The following CTNNA2 variants were observed in gnomAD, a reference collection of about 807,000 sequenced individuals.
The protein encoded by CTNNA2 is catenin alpha 2.
Under a neutral mutation model 101.0 loss-of-function variants are expected in CTNNA2, and 42 were observed. The observed-to-expected ratio is 0.42, with a 90% CI of 0.32 to 0.54. The LOEUF is 0.54. Among genes scored for constraint, CTNNA2 ranks in the 20% least tolerant of loss-of-function variants. The probability of loss-of-function intolerance (pLI) is 0.14; values close to 1 mark genes in which losing one functional copy is unlikely to be tolerated. For missense variants in CTNNA2, 871 were observed against 1,223.1 expected, an observed-to-expected ratio of 0.71 and a Z score of 4.29; for synonymous variants, 450 against 456.4, an observed-to-expected ratio of 0.99 and a Z score of 0.18.
chr2:80,555,751 G>A lies in CTNNA2; in HGVS notation c.1599G>A (p.Val533=), dbSNP rs34741453. Reference sequence around the variant, plus strand: ...TGATAGCCCTCCAAGAGGGCGATGTGGACACTCTGGACCGGACTGCAGGGG... The same window carrying A: ...TGATAGCCCTCCAAGAGGGCGATGTAGACACTCTGGACCGGACTGCAGGGG... ...KCVIALQEGD[V]DTLDRTAGAI... Residue 533 remains valine, a synonymous_variant, in exon 12 of 19, where the codon GTG becomes GTA. Coordinates refer to ENST00000402739, the MANE Select transcript of CTNNA2 (RefSeq NM_001282597.3). The A allele has an allele frequency of 4.4e-4, 696 of 1,585,690 alleles. 4 individuals are homozygous for A. In the African/African-American group the frequency reaches 5.3e-3, roughly 12 times the overall value.
chr2:80,491,328 C>A (rs1391739068), intron 9 of CTNNA2, among the ~76,000 whole-genome samples: 1 of 152,188 alleles, frequency 6.6e-6, no homozygotes, highest in African/African-American at 2.4e-5. Context: ...CTGCTACTTG[C>A]AGACCTAACT....
At chr2:80,459,184 A>T (rs1300878416) in intron 9 of CTNNA2, among the ~76,000 whole-genome samples, 1 of 152,154 alleles carries the variant, frequency 6.6e-6, no homozygotes, top group Non-Finnish European at 1.5e-5. Flanking sequence ...TTACACAATG[A>T]TGAAACCACC....
chr2:79,706,290 G>C (rs559551408), intron 2 of CTNNA2, among the ~76,000 whole-genome samples: 202 of 149,526 alleles, frequency 1.4e-3, no homozygotes, highest in African/African-American at 4.8e-3. Context: ...GTGAACCCGG[G>C]AGGCGGAGCT....
chr2:79,482,097 G>T (rs1436432378), intron 4 of CTNNA2, among the ~76,000 whole-genome samples: 2 of 152,156 alleles, frequency 1.3e-5, no homozygotes, highest in Non-Finnish European at 2.9e-5. Context: ...AATTAATTCA[G>T]AAAATACAAT....
intron 15 of CTNNA2, among the ~76,000 whole-genome samples, chr2:80,594,645 T>A (rs969743980): frequency 6.6e-6 from 1 of 152,060 alleles, no homozygotes; most frequent in Non-Finnish European, 1.5e-5. Flanking sequence ...GTTCTTATGG[T>A]TAGGTCTTTC....
At chr2:79,637,876 A>T (rs1172561981) in intron 1 of CTNNA2, among the ~76,000 whole-genome samples, 3 of 152,202 alleles carry the variant, frequency 2.0e-5, no homozygotes, top group Non-Finnish European at 4.4e-5. Flanking sequence ...TAGTTCTCTT[A>T]TGGGTAAAAT....
intron 2 of CTNNA2, among the ~76,000 whole-genome samples, chr2:79,228,281 G>C (rs1674446981): frequency 6.6e-6 from 1 of 152,204 alleles, no homozygotes; most frequent in Non-Finnish European, 1.5e-5. Flanking sequence ...TAGTGGAATT[G>C]CTGGGTGGAA....
intron 4 of CTNNA2, among the ~76,000 whole-genome samples, chr2:79,442,566 C>T (rs371737932): frequency 3.9e-5 from 6 of 152,172 alleles, no homozygotes; most frequent in South Asian, 2.1e-4. Context: ...TCTGTCCTTG[C>T]GGTTAAACTG....
chr2:80,070,678 C>T (rs1698273462), intron 7 of CTNNA2, among the ~76,000 whole-genome samples: 1 of 150,786 alleles, frequency 6.6e-6, no homozygotes, highest in Non-Finnish European at 1.5e-5. Context: ...GATCACACCA[C>T]TGCACTGCAG....
At chr2:79,464,539 G>C (rs1670913574) in intron 4 of CTNNA2, among the ~76,000 whole-genome samples, 1 of 152,092 alleles carries the variant, frequency 6.6e-6, no homozygotes, top group Non-Finnish European at 1.5e-5. Flanking sequence ...TCTAGTTCTA[G>C]ATCCCTGAGG....
At chr2:79,298,958 C>T (rs1255170990) in intron 2 of CTNNA2, among the ~76,000 whole-genome samples, 3 of 152,204 alleles carry the variant, frequency 2.0e-5, no homozygotes, top group African/African-American at 7.2e-5. Context: ...ATCCAAACAG[C>T]TCCTAATTCC....
At chr2:79,559,114 T>G (rs1168800693) in intron 1 of CTNNA2, among the ~76,000 whole-genome samples, 4 of 151,910 alleles carry the variant, frequency 2.6e-5, no homozygotes, top group African/African-American at 9.7e-5. Context: ...ACTTTATAGA[T>G]AGTGGAGAGG....
intron 3 of CTNNA2, among the ~76,000 whole-genome samples, chr2:79,811,472 G>T (rs1382083472): frequency 1.3e-5 from 2 of 152,084 alleles, no homozygotes; most frequent in African/African-American, 4.8e-5. Context: ...CATTCTGTAG[G>T]TTGCCTGTCC....
intron 7 of CTNNA2, among the ~76,000 whole-genome samples, chr2:79,949,144 C>G (rs1688707193): frequency 1.3e-5 from 2 of 152,000 alleles, no homozygotes; most frequent in African/African-American, 4.8e-5. Flanking sequence ...TTGAAAGAAA[C>G]AGTATACACA....
chr2:80,530,875 G>C (rs11889332), intron 9 of CTNNA2, among the ~76,000 whole-genome samples: 95,990 of 152,046 alleles, frequency 0.63, 30,594 homozygotes, highest in South Asian at 0.71. Context: ...TGCACCCAAA[G>C]AAGCTTGAAC....
chr2:79,859,730 CTT>C (rs1681438920), intron 4 of CTNNA2, among the ~76,000 whole-genome samples: 1 of 152,024 alleles, frequency 6.6e-6, no homozygotes, highest in African/African-American at 2.4e-5. Context: ...TGAGGAGAGT[CTT>C]TACCTGTTTC....
intron 9 of CTNNA2, among the ~76,000 whole-genome samples, chr2:80,512,606 G>C (rs1688793259): frequency 6.6e-6 from 1 of 152,116 alleles, no homozygotes; most frequent in African/African-American, 2.4e-5. Context: ...TAGCATTTTA[G>C]AGTGACCTGG....
chr2:80,465,991 G>A (rs1204332179), intron 9 of CTNNA2, among the ~76,000 whole-genome samples: 2 of 152,066 alleles, frequency 1.3e-5, no homozygotes, highest in African/African-American at 2.4e-5. Context: ...TCAGCATGAG[G>A]GGCCACAAGT....
chr2:80,195,657 A>G (rs1284253641), intron 7 of CTNNA2, among the ~76,000 whole-genome samples: 1 of 150,838 alleles, frequency 6.6e-6, no homozygotes, highest in African/African-American at 2.4e-5. Context: ...GATTTAGGAC[A>G]TTAAAAATGC....
Sources: gnomAD v4.1 joint callset for allele counts (sites outside exome capture counted in the v4.1 genomes callset) on GRCh38, gnomAD v4.1.1 for gene constraint, MANE v1.5 for transcripts, NCBI Gene and HGNC (gene_info 2026-07-23, HGNC 2026-07-21) for gene names.